Variants in CCDC42 observed in about 807,000 individuals in gnomAD.
CCDC42 encodes coiled-coil domain-containing protein 42.
In CCDC42, 38 loss-of-function variants were observed where a neutral mutation model predicts 40.8. The ratio of observed to expected loss-of-function variants is 0.93; its 90% CI spans 0.72 to 1.22. CCDC42 has a LOEUF of 1.22. Ranked by LOEUF, CCDC42 falls within the 50% of genes most tolerant of loss-of-function variation. The pLI, the probability that CCDC42 is intolerant of heterozygous loss-of-function variation, is 0.00. For synonymous variants in CCDC42, 135 were observed against 157.5 expected, an observed-to-expected ratio of 0.86 and a Z score of 1.07; for missense variants, 379 against 416.5, an observed-to-expected ratio of 0.91 and a Z score of 0.78.
chr17:8,734,048 A>G (rs2086595845), intron 6 of CCDC42, among the ~76,000 whole-genome samples: 1 of 152,222 alleles, frequency 6.6e-6, no homozygotes. Context: ...GAATGAACGC[A>G]GGAGTGGACA....
Position 8,742,368 on chromosome 17 carries a change from G to A in CCDC42, c.295-697C>T, listed in dbSNP as rs556375461. On this transcript the variant is annotated intron_variant, in intron 3 of 6. Transcript: ENST00000293845. ...TAGGGCCTGGGGGGTAAGGCCACTG[G>A]GAGAGCATGCTCCTAGGAGCTCAGA... Among the ~76,000 whole-genome samples, 160 of 152,288 alleles carry A rather than the reference G, an allele frequency of 1.1e-3. 1 individual carries two copies. Among genetic ancestry groups the A allele is most frequent in the Non-Finnish European group, 8.8e-5 (6 of 68,006 alleles).
At chr17:8,744,493 A>C in intron 1 of CCDC42, 34 bp downstream of exon 1, 1 of 1,569,420 alleles carries the variant, frequency 6.4e-7, no homozygotes, top group Non-Finnish European at 8.7e-7. Context: ...TCCCAGGCAC[A>C]GAGGGGTGGG....
At chr17:8,741,349 G>A in intron 4 of CCDC42, 125 bp downstream of exon 4, 2 of 952,326 alleles carry the variant, frequency 2.1e-6, no homozygotes, top group Non-Finnish European at 3.3e-6. Context: ...GAGCTCCTGG[G>A]GCCCAGAGGG....
In CCDC42 at chr17:8,736,741, T is replaced by C. The variant is rs143652520; in HGVS notation, c.493-1130A>G. Among the ~76,000 whole-genome samples, 32 of 151,792 alleles carry C rather than the reference T, an allele frequency of 2.1e-4. No individual in the cohort carries two copies. The East Asian group carries it at 5.8e-3, about 28-fold the overall frequency. On this transcript the variant is annotated intron_variant, in intron 4 of 6. Coordinates refer to ENST00000293845, the MANE Select transcript of CCDC42 (RefSeq NM_144681.3). ...GGGAGAAAGTGTGGCTGAAATGAGA[T>C]GAGAGGTATATAAATAGAAGATAGC...
chr17:8,743,449 C>G (rs2086657048), intron 3 of CCDC42, among the ~76,000 whole-genome samples, 177 bp downstream of exon 3: 1 of 152,136 alleles, frequency 6.6e-6, no homozygotes, highest in Non-Finnish European at 1.5e-5. Flanking sequence ...AAATTACAAA[C>G]AGAGACAGGT....
rs549310973 is a variant in CCDC42 at position 8,735,364 on chromosome 17, C to G, written c.714+26G>C. The G allele has an allele frequency of 3.7e-6, 6 of 1,611,066 alleles. No homozygotes were observed. In the South Asian group the frequency reaches 6.6e-5, roughly 18 times the overall value. On this transcript the variant is annotated intron_variant, in intron 5 of 6. Coordinates refer to ENST00000293845, the MANE Select transcript of CCDC42 (RefSeq NM_144681.3). This position sits in a 1 kb window ranked among gnomAD's most constrained non-coding sequence, Gnocchi z 4.7. ...CCCGCACTCACCCAGTGCCTGGGAG[C>G]CCCCGGCCCGCCCCGGGCCCCTCAC...
intron 6 of CCDC42, among the ~76,000 whole-genome samples, chr17:8,734,486 CT>C (rs202035464): frequency 0.11 from 14,958 of 139,930 alleles, 768 homozygotes; most frequent in Admixed American, 0.17. Context: ...ATGAATTTCA[CT>C]TTTTTTTTTT....
Position 8,743,594 on chromosome 17 carries a change from T to G in CCDC42, c.294+32A>C, listed in dbSNP as rs993581685. 2.4e-6 allele frequency: 3 copies of G among 1,270,312 alleles called. No homozygotes were observed. In the African/African-American group the frequency reaches 4.4e-5, roughly 19 times the overall value. The allele number at this position is 1,270,312 out of a possible 1,614,324, so 78.7% of individuals were successfully genotyped here. On this transcript the variant is annotated intron_variant, in intron 3 of 6. Transcript: ENST00000293845. Reference sequence around the variant, plus strand: ...GCCCACCTGCGGACTATGGATCCCCTGGCCACTGCGGCCGCCCACACCCCT... The same window carrying G: ...GCCCACCTGCGGACTATGGATCCCCGGGCCACTGCGGCCGCCCACACCCCT...
chr17:8,739,823 G>A (rs1174751717), intron 4 of CCDC42, among the ~76,000 whole-genome samples: 4 of 152,136 alleles, frequency 2.6e-5, no homozygotes, highest in African/African-American at 4.8e-5. Flanking sequence ...GATTACAGGC[G>A]TGAGCCACCG....
intron 6 of CCDC42, among the ~76,000 whole-genome samples, chr17:8,730,939 C>T (rs2086576846): frequency 6.6e-6 from 1 of 152,200 alleles, no homozygotes; most frequent in Non-Finnish European, 1.5e-5. Flanking sequence ...AAACCCAGAG[C>T]TGATGCTCAT....
intron 6 of CCDC42, 78 bp from the exon 7 acceptor site, chr17:8,730,285 T>A: frequency 1.1e-6 from 1 of 918,116 alleles, no homozygotes. Context: ...TCCCAGACAT[T>A]CACTTGTAAA....
chr17:8,738,464 AT>A (rs60710929), intron 4 of CCDC42, among the ~76,000 whole-genome samples: 2,956 of 139,638 alleles, frequency 0.021, 62 homozygotes, highest in African/African-American at 0.065. Context: ...ATGATTTGAG[AT>A]TTTTTTTTTT....
chr17:8,735,259 A>G lies in CCDC42; in HGVS notation c.715-5T>C, dbSNP rs762167726. The G allele has an allele frequency of 3.7e-6, 6 of 1,613,740 alleles. No individual in the cohort carries two copies. The highest frequency in any genetic ancestry group is 5.1e-6 in the Non-Finnish European group (6 of 1,179,954). On this transcript the variant is annotated splice_polypyrimidine_tract_variant and splice_region_variant and intron_variant, in intron 5 of 6. Coordinates refer to ENST00000293845, the MANE Select transcript of CCDC42 (RefSeq NM_144681.3). The surrounding 1 kb of genome is among the most constrained non-coding windows in gnomAD (Gnocchi z 4.7). ...GATGTGCGCCCAGCGAGATTCCTGG[A>G]GAGTGGATAAGGACGGGGCATGAGC...
At chr17:8,732,366 A>G (rs1221682419) in intron 6 of CCDC42, among the ~76,000 whole-genome samples, 2 of 151,346 alleles carry the variant, frequency 1.3e-5, no homozygotes, top group Non-Finnish European at 2.9e-5. Flanking sequence ...AAAATAAAAA[A>G]AGGATTTCAG....
intron 1 of CCDC42, 68 bp downstream of exon 1, chr17:8,744,459 G>T: frequency 1.6e-6 from 2 of 1,270,698 alleles, no homozygotes; most frequent in Non-Finnish European, 2.3e-6. Context: ...GTTGGAAGAT[G>T]AGGTATGGGG....
In CCDC42 at chr17:8,741,726, C is replaced by G; in HGVS notation, c.295-55G>C. 3 of 1,550,888 alleles carry G rather than the reference C, an allele frequency of 1.9e-6. No individual in the cohort carries two copies. In the Admixed American group the frequency reaches 5.6e-5, roughly 29 times the overall value. Reference sequence around the variant, plus strand: ...GAAGCCTCGCCCAGCCCTCCCGGGGCCCAGGCCTTCCTGGGGCTGGTGGTG... The same window carrying G: ...GAAGCCTCGCCCAGCCCTCCCGGGGGCCAGGCCTTCCTGGGGCTGGTGGTG... On this transcript the variant is annotated intron_variant, in intron 3 of 6. Transcript: ENST00000293845.
In CCDC42 at chr17:8,735,597, A is replaced by G; in HGVS notation, c.507T>C (p.His169=). The G allele has an allele frequency of 1.2e-6, 2 of 1,613,862 alleles. No homozygotes were observed. The highest frequency in any genetic ancestry group is 1.7e-6 in the Non-Finnish European group (2 of 1,179,948). Reference sequence around the variant, plus strand: ...GCGTCTTGTAGCGTGCAATCACCTCATGGATCTCCTCGAACTGTGGTCAGG... The same window carrying G: ...GCGTCTTGTAGCGTGCAATCACCTCGTGGATCTCCTCGAACTGTGGTCAGG... ...VVENSEFEEI[H]EVIARYKTLV... Residue 169 remains histidine, a synonymous_variant, in exon 5 of 7, where the codon CAT becomes CAC. Coordinates refer to ENST00000293845, the MANE Select transcript of CCDC42 (RefSeq NM_144681.3). This position sits in a 1 kb window ranked among gnomAD's most constrained non-coding sequence, Gnocchi z 4.7.
chr17:8,741,359 G>T, intron 4 of CCDC42, 115 bp downstream of exon 4: 2 of 1,053,252 alleles, frequency 1.9e-6, no homozygotes, highest in Non-Finnish European at 2.9e-6. Flanking sequence ...GGCCCAGAGG[G>T]TCCACAGTCC....
At chr17:8,737,508 G>A (rs577144771) in intron 4 of CCDC42, among the ~76,000 whole-genome samples, 11 of 152,192 alleles carry the variant, frequency 7.2e-5, no homozygotes, top group Admixed American at 3.9e-4. Context: ...CTTTCTCTGC[G>A]AGACCCACAT....
Sources: gnomAD v4.1 joint callset for allele counts (sites outside exome capture counted in the v4.1 genomes callset) on GRCh38, gnomAD v4.1.1 for gene constraint, Gnocchi (gnomAD v3.1) non-coding constraint, MANE v1.5 for transcripts, NCBI Gene and HGNC (gene_info 2026-07-23, HGNC 2026-07-21) for gene names.